MMP24: variants seen among roughly 807,000 people sequenced by gnomAD.
The protein encoded by MMP24 is matrix metalloproteinase-24.
In MMP24, 25 loss-of-function variants were observed where a neutral mutation model predicts 62.8. The observed-to-expected ratio is 0.40, with a 90% CI of 0.29 to 0.56. MMP24 has a LOEUF of 0.56. Ranked by LOEUF, MMP24 falls within the 20% of genes least tolerant of loss-of-function variation. MMP24 has a pLI of 0.50. For missense variants in MMP24, 634 were observed against 853.6 expected (o/e 0.74, Z 3.21); for synonymous variants, 319 against 350.5 (o/e 0.91, Z 1.00).
intron 4 of MMP24, among the ~76,000 whole-genome samples, chr20:35,259,659 C>T (rs1372829653): frequency 2.0e-5 from 3 of 152,092 alleles, no homozygotes; most frequent in East Asian, 1.9e-4. Context: ...TATCACCTTT[C>T]GTGGGGCTGG....
At chr20:35,258,268 AAGCACACAATCATT>A (rs1359148390) in intron 4 of MMP24, among the ~76,000 whole-genome samples, 1 of 152,194 alleles carries the variant, frequency 6.6e-6, no homozygotes, top group African/African-American at 2.4e-5. Context: ...TTTTTAACAT[AAGCACACAATCATT>A]ATCAAGCCCA....
rs976674483 is a variant in MMP24, at chr20:35,249,761, T to A, written c.396-2144T>A. 8.6e-5 allele frequency among the ~76,000 whole-genome samples: 13 copies of A among 151,366 alleles called. No individual in the cohort carries two copies. In the East Asian group the frequency reaches 2.1e-3, roughly 25 times the overall value. On this transcript the variant is annotated intron_variant, in intron 2 of 8. Coordinates refer to ENST00000246186, the MANE Select transcript of MMP24 (RefSeq NM_006690.4). Reference sequence around the variant, plus strand: ...CCGCCACCACGCCCGGCTAATTTTTTTTTTTTATTTTTTAGTACAGACGGG... The same window carrying A: ...CCGCCACCACGCCCGGCTAATTTTTATTTTTTATTTTTTAGTACAGACGGG...
At chr20:35,267,012 G>A (rs1306389703) in intron 5 of MMP24, among the ~76,000 whole-genome samples, 193 bp from the exon 6 acceptor site, 1 of 152,110 alleles carries the variant, frequency 6.6e-6, no homozygotes, top group African/African-American at 2.4e-5. Flanking sequence ...ATTCGGGGAT[G>A]GAAAGATGAG....
At chr20:35,270,305 G>C (rs1182556296) in intron 7 of MMP24, among the ~76,000 whole-genome samples, 1 of 152,190 alleles carries the variant, frequency 6.6e-6, no homozygotes, top group Admixed American at 6.5e-5. Flanking sequence ...ATCTTGACTC[G>C]GGCCAGACCT....
At chr20:35,234,718 A>G (rs952315731) in intron 1 of MMP24, among the ~76,000 whole-genome samples, 2 of 152,200 alleles carry the variant, frequency 1.3e-5, no homozygotes, top group African/African-American at 4.8e-5. Flanking sequence ...TGAGGTGAGC[A>G]ATAAAGGGTA....
chr20:35,250,040 C>A (rs887539762), intron 2 of MMP24, among the ~76,000 whole-genome samples: 2 of 152,038 alleles, frequency 1.3e-5, no homozygotes, highest in African/African-American at 4.8e-5. Flanking sequence ...GTAGCCTCAA[C>A]TTTCCAAGCT....
intron 4 of MMP24, among the ~76,000 whole-genome samples, chr20:35,255,878 A>G (rs1390693745): frequency 6.6e-6 from 1 of 152,188 alleles, no homozygotes; most frequent in Non-Finnish European, 1.5e-5. Flanking sequence ...TGAATGTTTG[A>G]AAAAAATGGC....
intron 4 of MMP24, among the ~76,000 whole-genome samples, chr20:35,259,217 T>C (rs1863983387): frequency 6.6e-6 from 1 of 152,102 alleles, no homozygotes; most frequent in Non-Finnish European, 1.5e-5. Flanking sequence ...TTTAAAAAAA[T>C]AGGAAATTCA....
At chr20:35,267,749 CAA>C in intron 6 of MMP24, 2 of 380,704 alleles carry the variant, frequency 5.3e-6, no homozygotes, top group South Asian at 5.2e-5. Context: ...ATTCCTCTAA[CAA>C]AGAGTGTGTG....
chr20:35,263,686 G>GCCT (rs2060616234), intron 4 of MMP24, 105 bp from the exon 5 acceptor site: 1 of 971,716 alleles, frequency 1.0e-6, no homozygotes, highest in East Asian at 3.0e-5. Flanking sequence ...CCAGCACGGG[G>GCCT]CCTGGCACAG....
chr20:35,263,672 G>A lies in MMP24; in HGVS notation c.818-119G>A, dbSNP rs2060616073. 6.4e-6 allele frequency: 5 copies of A among 783,138 alleles called. No homozygotes were observed. The Admixed American group carries it at 1.8e-4, about 28-fold the overall frequency. 48.5% of individuals were successfully genotyped at this position (783,138 alleles called of 1,614,324 possible). Reference sequence around the variant, plus strand: ...TGCCTGATTTCTCTGTATGTCCCTGGTGTCCAGCACGGGGCCTGGCACAGG... The same window carrying A: ...TGCCTGATTTCTCTGTATGTCCCTGATGTCCAGCACGGGGCCTGGCACAGG... On this transcript the variant is annotated intron_variant, in intron 4 of 8. Transcript: ENST00000246186.
Position 35,267,356 on chromosome 20 carries a change from C to T in MMP24, c.1131C>T (p.Pro377=), listed in dbSNP as rs752642205. Reference sequence around the variant, plus strand: ...GGCCATCCACACCAGGCACCAAACCCAACATCTGTGACGGCAACTTCAACA... The same window carrying T: ...GGCCATCCACACCAGGCACCAAACCTAACATCTGTGACGGCAACTTCAACA... ...GDRPSTPGTK[P]NICDGNFNTV... Residue 377 remains proline, a synonymous_variant, in exon 6 of 9, where the codon CCC becomes CCT. Coordinates refer to ENST00000246186, the MANE Select transcript of MMP24 (RefSeq NM_006690.4). 1 of 1,581,672 alleles carries T rather than the reference C, an allele frequency of 6.3e-7. No homozygotes were observed. Among genetic ancestry groups the T allele is most frequent in the South Asian group, 1.2e-5 (1 of 86,478 alleles).
intron 1 of MMP24, among the ~76,000 whole-genome samples, chr20:35,230,512 C>T (rs1184360168): frequency 1.3e-5 from 2 of 152,196 alleles, no homozygotes; most frequent in African/African-American, 4.8e-5. Context: ...GCATGGGGCT[C>T]CAAGCCCCCT....
intron 1 of MMP24, among the ~76,000 whole-genome samples, chr20:35,243,073 G>C (rs2060497030): frequency 6.6e-6 from 1 of 152,102 alleles, no homozygotes; most frequent in African/African-American, 2.4e-5. Flanking sequence ...CAGCTACTTG[G>C]GAGGCTGAGG....
rs988907994 is a variant in MMP24 at position 35,275,068 on chromosome 20, T to TC, written c.*464dup. 1 of 167,480 alleles carries TC rather than the reference T, an allele frequency of 6.0e-6. No homozygotes were observed. Among genetic ancestry groups the TC allele is most frequent in the African/African-American group, 2.4e-5 (1 of 41,544 alleles). 10.4% of individuals were successfully genotyped at this position (167,480 alleles called of 1,614,324 possible). A position where few individuals can be genotyped will look rare whatever the true frequency, so the allele number is the denominator to read the frequency against. The stretch of plus-strand genomic sequence containing the variant: ...TTTGCCAACACCTGCTGGTCAGATG[T>TC]CCCCCTACCCCCACCCCACTGTCCT... On this transcript the variant is annotated 3_prime_UTR_variant, in exon 9 of 9. Transcript: ENST00000246186.
chr20:35,276,386 C>A lies in MMP24; in HGVS notation c.*1777C>A. On this transcript the variant is annotated 3_prime_UTR_variant, in exon 9 of 9. Transcript: ENST00000246186. Reference sequence around the variant, plus strand: ...TTGCAAAGCACTTTATTAGCTCACACCTGTCCACTCACATGAAACTCGTGT... The same window carrying A: ...TTGCAAAGCACTTTATTAGCTCACAACTGTCCACTCACATGAAACTCGTGT... 2.5e-6 allele frequency: 1 copy of A among 398,580 alleles called. No individual in the cohort carries two copies. Among genetic ancestry groups the A allele is most frequent in the Non-Finnish European group, 4.4e-6 (1 of 226,028 alleles). The allele number at this position is 398,580 out of a possible 1,614,324, so 24.7% of individuals were successfully genotyped here.
At chr20:35,267,488 G>A in intron 6 of MMP24, 69 bp downstream of exon 6, 3 of 1,436,688 alleles carry the variant, frequency 2.1e-6, no homozygotes, top group South Asian at 1.3e-5. Flanking sequence ...ACATCATGGA[G>A]CTGGGGAAGG....
chr20:35,233,299 C>T (rs1365491152), intron 1 of MMP24, among the ~76,000 whole-genome samples: 1 of 152,120 alleles, frequency 6.6e-6, no homozygotes, highest in Non-Finnish European at 1.5e-5. Context: ...GTTCCAGCTA[C>T]TTGGGTGGCT....
At chr20:35,263,979 C>T (rs907573986) in intron 5 of MMP24, 27 bp downstream of exon 5, 2 of 1,573,000 alleles carry the variant, frequency 1.3e-6, no homozygotes, top group Non-Finnish European at 8.6e-7. Context: ...GGGGGGACTG[C>T]TCCTTCCTCG....
Sources: gnomAD v4.1 joint callset for allele counts (sites outside exome capture counted in the v4.1 genomes callset) on GRCh38, gnomAD v4.1.1 for gene constraint, MANE v1.5 for transcripts, NCBI Gene and HGNC (gene_info 2026-07-23, HGNC 2026-07-21) for gene names.